COX7B2: variants seen among roughly 807,000 people sequenced by gnomAD.
COX7B2 encodes the protein cytochrome c oxidase subunit 7B2.
For synonymous variants in COX7B2, 37 were observed against 32.1 expected, an observed-to-expected ratio of 1.15 and a Z score of -0.51; for missense variants, 109 against 95.9, an observed-to-expected ratio of 1.14 and a Z score of -0.57.
intron 2 of COX7B2, among the ~76,000 whole-genome samples, chr4:46,765,918 C>A (rs1716506109): frequency 6.6e-6 from 1 of 152,118 alleles, no homozygotes; most frequent in Non-Finnish European, 1.5e-5. Flanking sequence ...GGCTAGCCTC[C>A]AGGGATCTAG....
At chr4:46,902,379 A>C (rs529815848) in intron 1 of COX7B2, among the ~76,000 whole-genome samples, 6 of 152,352 alleles carry the variant, frequency 3.9e-5, no homozygotes, top group Non-Finnish European at 4.4e-5. Context: ...AAAAGAAAGA[A>C]AGCATTCTAT....
intron 2 of COX7B2, among the ~76,000 whole-genome samples, chr4:46,746,115 T>G (rs1715009544): frequency 6.6e-6 from 1 of 152,182 alleles, no homozygotes; most frequent in Admixed American, 6.5e-5. Flanking sequence ...ATCATATTCA[T>G]CAAATAAAAA....
At chr4:46,767,267 A>C (rs960019809) in intron 2 of COX7B2, among the ~76,000 whole-genome samples, 3 of 152,226 alleles carry the variant, frequency 2.0e-5, no homozygotes, top group Admixed American at 2.0e-4. Context: ...AAAGACAAAC[A>C]ATGTTACTAT....
chr4:46,736,181 G>A (rs553273465), intron 2 of COX7B2, among the ~76,000 whole-genome samples: 16 of 152,148 alleles, frequency 1.1e-4, no homozygotes, highest in Non-Finnish European at 1.5e-4. Flanking sequence ...TTATGTTACC[G>A]AAACACCAAA....
At chr4:46,768,472 G>T (rs929761989) in intron 2 of COX7B2, among the ~76,000 whole-genome samples, 2 of 152,116 alleles carry the variant, frequency 1.3e-5, no homozygotes, top group African/African-American at 4.8e-5. Flanking sequence ...CAGGGGCATG[G>T]CAGGCCAAAA....
chr4:46,763,991 A>C lies in COX7B2; in HGVS notation c.-49-28750T>G, dbSNP rs544749472. 2.0e-5 allele frequency among the ~76,000 whole-genome samples: 3 copies of C among 152,304 alleles called. No individual in the cohort carries two copies. In the South Asian group the frequency reaches 6.2e-4, roughly 32 times the overall value. On this transcript the variant is annotated intron_variant, in intron 2 of 2. Coordinates refer to ENST00000355591, the MANE Select transcript of COX7B2 (RefSeq NM_130902.3). ...GCAGAATGTTAGGGCAGTCAGGAAG[A>C]GTTTGGAATTAAAAATATGGCTATG...
At chr4:46,891,515 T>A (rs1281681810) in intron 1 of COX7B2, among the ~76,000 whole-genome samples, 1 of 152,016 alleles carries the variant, frequency 6.6e-6, no homozygotes, top group Non-Finnish European at 1.5e-5. Context: ...GAAAAAACTA[T>A]CTAAGAGAAT....
chr4:46,806,455 A>G (rs1298491194), intron 2 of COX7B2, among the ~76,000 whole-genome samples: 1 of 152,050 alleles, frequency 6.6e-6, no homozygotes, highest in Non-Finnish European at 1.5e-5. Context: ...GGGATATAAT[A>G]TGATATTATG....
chr4:46,742,470 T>G (rs1306510385), intron 2 of COX7B2, among the ~76,000 whole-genome samples: 1 of 152,116 alleles, frequency 6.6e-6, no homozygotes, highest in Non-Finnish European at 1.5e-5. Context: ...CACAATATAT[T>G]CAAGTTTTCA....
chr4:46,781,892 C>G (rs576464348), intron 2 of COX7B2, among the ~76,000 whole-genome samples: 1 of 152,192 alleles, frequency 6.6e-6, no homozygotes, highest in Non-Finnish European at 1.5e-5. Context: ...GCCGCCTCCC[C>G]GTGTGGCAGG....
chr4:46,824,872 G>T (rs1040459317), intron 2 of COX7B2, among the ~76,000 whole-genome samples: 4 of 151,792 alleles, frequency 2.6e-5, no homozygotes. Flanking sequence ...GGTATAGAAG[G>T]AACATACCTA....
At chr4:46,825,788 C>T (rs1714649065) in intron 2 of COX7B2, among the ~76,000 whole-genome samples, 1 of 152,134 alleles carries the variant, frequency 6.6e-6, no homozygotes, top group African/African-American at 2.4e-5. Flanking sequence ...GGAAAGACTC[C>T]CTATTCAATA....
chr4:46,768,940 A>G (rs1295100391), intron 2 of COX7B2, among the ~76,000 whole-genome samples: 1 of 152,050 alleles, frequency 6.6e-6, no homozygotes, highest in Non-Finnish European at 1.5e-5. Flanking sequence ...CTACACAACA[A>G]TTTGGATAAC....
chr4:46,854,535 T>C (rs968481216), intron 1 of COX7B2, among the ~76,000 whole-genome samples: 3 of 152,184 alleles, frequency 2.0e-5, no homozygotes, highest in Admixed American at 6.5e-5. Flanking sequence ...GGCAGCACTG[T>C]TCTACACTGT....
intron 1 of COX7B2, among the ~76,000 whole-genome samples, chr4:46,897,440 G>A (rs1719830609): frequency 1.3e-5 from 2 of 152,324 alleles, no homozygotes; most frequent in African/African-American, 4.8e-5. Context: ...ATTAAGAAAA[G>A]TTGTGTCTCT....
intron 2 of COX7B2, among the ~76,000 whole-genome samples, chr4:46,750,290 A>G (rs574233843): frequency 6.6e-6 from 1 of 150,782 alleles, no homozygotes; most frequent in South Asian, 2.1e-4. Context: ...GCTACTCAGG[A>G]GGCTGAGGTG....
intron 2 of COX7B2, among the ~76,000 whole-genome samples, chr4:46,823,153 C>A (rs1471730398): frequency 6.6e-6 from 1 of 152,072 alleles, no homozygotes; most frequent in Non-Finnish European, 1.5e-5. Context: ...AGTGAAAATC[C>A]TGAAACAGTG....
intron 1 of COX7B2, among the ~76,000 whole-genome samples, chr4:46,861,966 A>T (rs1577669469): frequency 6.6e-6 from 1 of 151,978 alleles, no homozygotes; most frequent in South Asian, 2.1e-4. Flanking sequence ...ACTCCCTACT[A>T]TTGCCTTGCT....
At chr4:46,823,585 T>C (rs1049711668) in intron 2 of COX7B2, among the ~76,000 whole-genome samples, 5 of 151,012 alleles carry the variant, frequency 3.3e-5, no homozygotes, top group African/African-American at 7.3e-5. Flanking sequence ...ATACAATATA[T>C]AAAAATTGTG....
Sources: allele counts gnomAD v4.1 joint callset (sites outside exome capture counted in the v4.1 genomes callset), GRCh38; gene constraint gnomAD v4.1.1; transcripts MANE v1.5; gene names NCBI Gene and HGNC (gene_info 2026-07-23, HGNC 2026-07-21).